The following ZNF385B variants were observed in gnomAD, a reference collection of about 807,000 sequenced individuals.
ZNF385B encodes the protein zinc finger protein 385B.
ZNF385B carries 23 observed loss-of-function variants against 39.2 expected under a neutral mutation model. That is an observed-to-expected ratio of 0.59 (90% confidence interval 0.42 to 0.83). The LOEUF is 0.83. Ranked by LOEUF, ZNF385B falls within the 40% of genes least tolerant of loss-of-function variation. The pLI, the probability that ZNF385B is intolerant of heterozygous loss-of-function variation, is 0.00. For synonymous variants in ZNF385B, 205 were observed against 222.6 expected (o/e 0.92, Z 0.70); for missense variants, 552 against 598.9 (o/e 0.92, Z 0.82).
chr2:179,844,536 A>G (rs537689553), intron 1 of ZNF385B, among the ~76,000 whole-genome samples: 1 of 152,326 alleles, frequency 6.6e-6, no homozygotes, highest in Admixed American at 6.5e-5. Context: ...TCTGGTTGCT[A>G]CCACTGGTGT....
intron 3 of ZNF385B, among the ~76,000 whole-genome samples, chr2:179,624,553 A>G (rs1361632273): frequency 6.6e-6 from 1 of 152,250 alleles, no homozygotes; most frequent in East Asian, 1.9e-4. Flanking sequence ...TACTACTAGA[A>G]TCAGCAAAAG....
intron 3 of ZNF385B, among the ~76,000 whole-genome samples, chr2:179,713,543 CCTAGGTGCTTT>C (rs914258860): frequency 6.6e-6 from 1 of 152,074 alleles, no homozygotes; most frequent in Non-Finnish European, 1.5e-5. Context: ...CTAATTTTTC[CCTAGGTGCTTT>C]CTTCACAGTA....
chr2:179,610,750 T>A (rs561452619), intron 3 of ZNF385B, among the ~76,000 whole-genome samples: 44 of 152,264 alleles, frequency 2.9e-4, no homozygotes, highest in Middle Eastern at 3.4e-3. Context: ...TAGTTTTCAT[T>A]GTAGAGATCT....
intron 1 of ZNF385B, among the ~76,000 whole-genome samples, chr2:179,848,688 T>C (rs750129441): frequency 2.6e-5 from 4 of 152,192 alleles, no homozygotes; most frequent in Admixed American, 6.6e-5. Flanking sequence ...TTAAAATAAA[T>C]ATAGTCTCAA....
At chr2:179,746,847 A>T (rs1702412036) in intron 3 of ZNF385B, among the ~76,000 whole-genome samples, 1 of 152,166 alleles carries the variant, frequency 6.6e-6, no homozygotes, top group South Asian at 2.1e-4. Context: ...AGAAAGCAGT[A>T]GCAGTGCTTT....
intron 5 of ZNF385B, among the ~76,000 whole-genome samples, chr2:179,493,749 G>GTA (rs1553572592): frequency 8.3e-6 from 1 of 120,526 alleles, no homozygotes; most frequent in Non-Finnish European, 1.8e-5. Context: ...ATACATATGT[G>GTA]TATATACATA....
At position 179,556,292 on chromosome 2, in the gene ZNF385B, A is replaced by G. The variant is rs918803268; in HGVS notation, c.299-11323T>C. Among the ~76,000 whole-genome samples, 17 of 149,738 alleles carry G rather than the reference A, an allele frequency of 1.1e-4. 1 individual carries two copies. Among genetic ancestry groups the G allele is most frequent in the African/African-American group, 4.3e-4 (17 of 39,836 alleles). On this transcript the variant is annotated intron_variant, in intron 3 of 9. Coordinates refer to ENST00000410066, the MANE Select transcript of ZNF385B (RefSeq NM_152520.6). The stretch of plus-strand genomic sequence containing the variant: ...CTTCACTGGCTGCAATCCTTTTTCA[A>G]AGCAGCGTTGAAAAGTATGAGAATT...
At chr2:179,509,025 T>C (rs12470477) in intron 5 of ZNF385B, among the ~76,000 whole-genome samples, 107,517 of 150,818 alleles carry the variant, frequency 0.71, 39,454 homozygotes, top group East Asian at 0.91. Context: ...GGGCTCACTG[T>C]AAGCCCTGCC....
chr2:179,516,897 C>A (rs370115090), intron 5 of ZNF385B, among the ~76,000 whole-genome samples: 4 of 149,876 alleles, frequency 2.7e-5, no homozygotes, highest in Non-Finnish European at 4.5e-5. Context: ...TATGAATGAT[C>A]CTATTGAATT....
intron 5 of ZNF385B, among the ~76,000 whole-genome samples, chr2:179,497,875 T>A (rs529392003): frequency 6.6e-6 from 1 of 152,128 alleles, no homozygotes; most frequent in Non-Finnish European, 1.5e-5. Context: ...TGTAAAGATA[T>A]TCCACACTAC....
chr2:179,494,557 G>A (rs924388660), intron 5 of ZNF385B, among the ~76,000 whole-genome samples: 3 of 151,830 alleles, frequency 2.0e-5, no homozygotes, highest in African/African-American at 7.3e-5. Flanking sequence ...AATTTTGATG[G>A]AATTTTATGT....
chr2:179,778,014 G>T (rs934579634), intron 1 of ZNF385B, among the ~76,000 whole-genome samples: 2 of 151,864 alleles, frequency 1.3e-5, no homozygotes, highest in African/African-American at 4.8e-5. Context: ...CAAGTGATCT[G>T]CCCACCTCAG....
At chr2:179,489,955 G>A (rs904532955) in intron 5 of ZNF385B, among the ~76,000 whole-genome samples, 1 of 152,194 alleles carries the variant, frequency 6.6e-6, no homozygotes, top group African/African-American at 2.4e-5. Flanking sequence ...CTAGTGAAAC[G>A]CTACAAGTTG....
rs554782634 is a variant in ZNF385B at position 179,483,134 on chromosome 2, T to C, written c.715+138A>G. ...AGATTCTGTGCAAACATATAATCCT[T>C]CCCGTGAAGAAAACATATTAATATC... On this transcript the variant is annotated intron_variant, in intron 6 of 9. Coordinates refer to ENST00000410066, the MANE Select transcript of ZNF385B (RefSeq NM_152520.6). The C allele has an allele frequency of 4.1e-5, 38 of 921,426 alleles. No individual in the cohort carries two copies. In the South Asian group the frequency reaches 5.0e-4, roughly 12 times the overall value. The allele number at this position is 921,426 out of a possible 1,614,324, so 57.1% of individuals were successfully genotyped here.
intron 1 of ZNF385B, among the ~76,000 whole-genome samples, chr2:179,844,018 C>G (rs1217154388): frequency 6.6e-6 from 1 of 152,208 alleles, no homozygotes; most frequent in Non-Finnish European, 1.5e-5. Context: ...TCTTAACCCC[C>G]AGAAAGAAGC....
chr2:179,817,423 A>G (rs1707133954), intron 1 of ZNF385B, among the ~76,000 whole-genome samples: 1 of 152,264 alleles, frequency 6.6e-6, no homozygotes, highest in South Asian at 2.1e-4. Flanking sequence ...AAAGCAGAAT[A>G]AATCCATGAA....
intron 3 of ZNF385B, among the ~76,000 whole-genome samples, chr2:179,680,910 T>G (rs1431681567): frequency 6.6e-6 from 1 of 152,116 alleles, no homozygotes; most frequent in Non-Finnish European, 1.5e-5. Flanking sequence ...TATAGATATA[T>G]GAACTGAGAC....
intron 6 of ZNF385B, among the ~76,000 whole-genome samples, chr2:179,478,102 C>T (rs1480485648): frequency 1.3e-5 from 2 of 152,190 alleles, no homozygotes; most frequent in African/African-American, 2.4e-5. Flanking sequence ...AGTTTCCATC[C>T]TGACTCTACT....
At chr2:179,544,341 C>T (rs770084928) in intron 4 of ZNF385B, among the ~76,000 whole-genome samples, 9 of 152,268 alleles carry the variant, frequency 5.9e-5, no homozygotes, top group South Asian at 2.1e-4. Flanking sequence ...GTCAAATTCA[C>T]GTCATCTACA....
Sources: gnomAD v4.1 joint callset for allele counts (sites outside exome capture counted in the v4.1 genomes callset) on GRCh38, gnomAD v4.1.1 for gene constraint, MANE v1.5 for transcripts, NCBI Gene and HGNC (gene_info 2026-07-23, HGNC 2026-07-21) for gene names.